Variants in MAP7D1 observed in about 807,000 individuals in gnomAD.
MAP7D1 encodes MAP7 domain-containing protein 1.
In MAP7D1, 30 loss-of-function variants were observed where a neutral mutation model predicts 97.5. That is an observed-to-expected ratio of 0.31 (90% CI 0.23 to 0.42). MAP7D1 has a LOEUF of 0.42. Ranked by LOEUF, MAP7D1 falls within the 10% of genes least tolerant of loss-of-function variation. The pLI is 1.00. For missense variants in MAP7D1, 1,184 were observed against 1,179.5 expected, an observed-to-expected ratio of 1.00 and a Z score of -0.06; for synonymous variants, 536 against 477.1, an observed-to-expected ratio of 1.12 and a Z score of -1.61.
At position 36,170,830 on chromosome 1, in the gene MAP7D1, C is replaced by G. The variant is rs552963220; in HGVS notation, c.47-141C>G. On this transcript the variant is annotated intron_variant, in intron 1 of 16. Coordinates refer to ENST00000474796, the MANE Select transcript of MAP7D1 (RefSeq NM_001388490.1). ...TTTCTCACCATTATATCATGAGTAT[C>G]TGGAACAGGGCCCGGCACATAGAAA... is the stretch of plus-strand genomic sequence containing the variant. 1.1e-4 allele frequency: 66 copies of G among 616,346 alleles called. 1 individual carries two copies. The South Asian group carries it at 1.4e-3, about 13-fold the overall frequency. 38.2% of individuals were successfully genotyped at this position (616,346 alleles called of 1,614,324 possible).
intron 16 of MAP7D1, 61 bp from the exon 17 acceptor site, chr1:36,180,187 C>T (rs1268873113): frequency 6.2e-7 from 1 of 1,613,206 alleles, no homozygotes; most frequent in African/African-American, 1.3e-5. Flanking sequence ...CCTGAAGACC[C>T]CCAGCTATCT....
chr1:36,166,451 G>A (rs187039929), intron 1 of MAP7D1, among the ~76,000 whole-genome samples: 2 of 149,346 alleles, frequency 1.3e-5, no homozygotes, highest in African/African-American at 2.5e-5. Flanking sequence ...GTGCAGTGGC[G>A]CTATCTTGGC....
intron 5 of MAP7D1, 83 bp downstream of exon 5, chr1:36,173,561 G>C (rs1644577903): frequency 1.9e-6 from 2 of 1,048,414 alleles, no homozygotes. Flanking sequence ...CCTACAAAAA[G>C]CTGGTGGCTC....
At chr1:36,169,570 AG>A (rs1644515712) in intron 1 of MAP7D1, among the ~76,000 whole-genome samples, 3 of 152,026 alleles carry the variant, frequency 2.0e-5, no homozygotes, top group Admixed American at 2.0e-4. Context: ...AAAAAAAAAA[AG>A]AAAAATGTTT....
chr1:36,178,356 G>T lies in MAP7D1; in HGVS notation c.1709-63G>T. The T allele has an allele frequency of 2.0e-6, 3 of 1,537,140 alleles. No homozygotes were observed. The African/African-American group carries it at 4.1e-5, about 21-fold the overall frequency. ...CAGTCCCAGGCCCAGAACACAGGCC[G>T]CTGGGAGATGACGGCGGTGTCTGCG... is the stretch of plus-strand genomic sequence containing the variant. On this transcript the variant is annotated intron_variant, in intron 9 of 16. Coordinates refer to ENST00000474796, the MANE Select transcript of MAP7D1 (RefSeq NM_001388490.1).
rs763077368 is a variant in MAP7D1, at chr1:36,178,054, G to A, written c.1561G>A (p.Ala521Thr). Residue 521 changes from alanine to threonine, a missense_variant, in exon 9 of 17, where the codon GCA (alanine) becomes ACA (threonine). Transcript: ENST00000474796. Reference sequence around the variant, plus strand: ...GGAGGCAAAGGAGAGCCCCAGCGCCGCAGGGCCCGAGGACAAGAGCCAGAG... The same window carrying A: ...GGAGGCAAAGGAGAGCCCCAGCGCCACAGGGCCCGAGGACAAGAGCCAGAG... ...KEEAKESPSA[A>T]GPEDKSQSKR... The A allele has an allele frequency of 3.1e-6, 5 of 1,611,958 alleles. No individual in the cohort carries two copies. The highest frequency in any genetic ancestry group is 2.7e-5 in the African/African-American group (2 of 74,884).
chr1:36,176,867 C>G lies in MAP7D1; in HGVS notation c.1379+25C>G. The G allele has an allele frequency of 1.3e-6, 2 of 1,547,954 alleles. No individual in the cohort carries two copies. The highest frequency in any genetic ancestry group is 8.8e-7 in the Non-Finnish European group (1 of 1,139,052). On this transcript the variant is annotated intron_variant, in intron 8 of 16. Transcript: ENST00000474796. The surrounding 1 kb of genome is among the most constrained non-coding windows in gnomAD (Gnocchi z 6.1). ...GGTGGGCGCGGGCGGTGCGAGGGAC[C>G]CTGCCCCTCACCGGGTCATTTATTC...
chr1:36,173,447 C>T lies in MAP7D1; in HGVS notation c.708C>T (p.Ala236=). ...AGCAGCGCTGGTCCTGGGCAGGGGC[C>T]CTGCACCACAGCTCTCCAGGACATA... ...IRQQRWSWAG[A]LHHSSPGHKT... The change falls in exon 5 of 17, where the codon GCC becomes GCT. Residue 236 remains alanine (A), a synonymous_variant. Coordinates refer to ENST00000474796, the MANE Select transcript of MAP7D1 (RefSeq NM_001388490.1). 6.2e-7 allele frequency: 1 copy of T among 1,613,796 alleles called. No individual in the cohort carries two copies. The highest frequency in any genetic ancestry group is 8.5e-7 in the Non-Finnish European group (1 of 1,179,886).
At position 36,171,077 on chromosome 1, in the gene MAP7D1, C is replaced by A; in HGVS notation, c.153C>A (p.Thr51=). The A allele has an allele frequency of 6.2e-7, 1 of 1,610,268 alleles. No homozygotes were observed. Among genetic ancestry groups the A allele is most frequent in the Non-Finnish European group, 8.5e-7 (1 of 1,176,806 alleles). ...SALVPDTPPD[T]PPAMKNATSS... ...TGGTCCCCGACACTCCCCCGGACAC[C>A]CCTCCTGCCATGAAGAATGCCACTA... is the stretch of plus-strand genomic sequence containing the variant. The change falls in exon 2 of 17, where the codon ACC becomes ACA. Residue 51 remains threonine (T), a synonymous_variant. Transcript: ENST00000474796.
Position 36,176,451 on chromosome 1 carries a change from G to GC in MAP7D1, c.1108dup (p.Leu370ProfsTer18). On this transcript the variant is annotated frameshift_variant, in exon 7 of 17. Coordinates refer to ENST00000474796, the MANE Select transcript of MAP7D1 (RefSeq NM_001388490.1). LOFTEE classifies it high-confidence loss of function. The surrounding 1 kb of genome is among the most constrained non-coding windows in gnomAD (Gnocchi z 6.1). ...GTGTGCCCGCGCTCGGCCTCCGCCAGCCCCCTGACGCCGTGCAGCGTCACC... is the reference window on the plus strand; with the variant it reads ...GTGTGCCCGCGCTCGGCCTCCGCCAGCCCCCCTGACGCCGTGCAGCGTCACC... 6.6e-7 allele frequency: 1 copy of GC among 1,507,442 alleles called. No homozygotes were observed. Among genetic ancestry groups the GC allele is most frequent in the East Asian group, 2.7e-5 (1 of 36,378 alleles). 93.4% of individuals were successfully genotyped at this position (1,507,442 alleles called of 1,614,324 possible).
chr1:36,163,719 A>G (rs1339152818), intron 1 of MAP7D1, among the ~76,000 whole-genome samples: 1 of 152,044 alleles, frequency 6.6e-6, no homozygotes, highest in Non-Finnish European at 1.5e-5. Flanking sequence ...GGCTTAGTCC[A>G]GGAAGCTGCC....
At chr1:36,169,252 GAAA>G (rs35202518) in intron 1 of MAP7D1, among the ~76,000 whole-genome samples, 1 of 112,358 alleles carries the variant, frequency 8.9e-6, no homozygotes. Context: ...GCTCTGTCTT[GAAA>G]AAAAAAAAAA....
In MAP7D1 at chr1:36,176,677, C is replaced by T. The variant is rs745715517; in HGVS notation, c.1234-20C>T. 6 of 1,605,170 alleles carry T rather than the reference C, an allele frequency of 3.7e-6. No individual in the cohort carries two copies. The highest frequency in any genetic ancestry group is 2.7e-5 in the African/African-American group (2 of 73,896). ...GCTGCTGACCTCTACTCTCCTCTTC[C>T]GTTCCTCCTTCCCTGCCAGGTGCAG... On this transcript the variant is annotated intron_variant, in intron 7 of 16. Transcript: ENST00000474796. This position sits in a 1 kb window ranked among gnomAD's most constrained non-coding sequence, Gnocchi z 6.1.
chr1:36,176,182 T>TG lies in MAP7D1; in HGVS notation c.851-15dup. On this transcript the variant is annotated splice_polypyrimidine_tract_variant and intron_variant, in intron 6 of 16. Coordinates refer to ENST00000474796, the MANE Select transcript of MAP7D1 (RefSeq NM_001388490.1). The surrounding 1 kb of genome is among the most constrained non-coding windows in gnomAD (Gnocchi z 6.1). The stretch of plus-strand genomic sequence containing the variant: ...GGCCCCCACGGTGACCGGCTTCGCC[T>TG]GGCCTTCTACCCCCAGATCGCAGCC... 6.2e-7 allele frequency: 1 copy of TG among 1,603,906 alleles called. No individual in the cohort carries two copies. Among genetic ancestry groups the TG allele is most frequent in the South Asian group, 1.1e-5 (1 of 90,866 alleles).
intron 3 of MAP7D1, chr1:36,171,950 A>AC: frequency 4.5e-6 from 1 of 220,914 alleles, no homozygotes; most frequent in South Asian, 6.3e-5. Context: ...AAAAAAAAAA[A>AC]AAAAAAAACC....
At chr1:36,172,372 G>C (rs913601188) in intron 3 of MAP7D1, 92 bp from the exon 4 acceptor site, 9 of 1,292,884 alleles carry the variant, frequency 7.0e-6, no homozygotes, top group Non-Finnish European at 9.1e-6. Flanking sequence ...CCCAGGGCAT[G>C]GGTAGCAGGG....
rs749230878 is a variant in MAP7D1 at position 36,159,810 on chromosome 1, C to T, written c.46+3347C>T. ...AGGTGGATCTGAAAGGATGAGTAGA[C>T]GTTGGTGAGACTGGCGCAGTGGGCT... On this transcript the variant is annotated intron_variant, in intron 1 of 16. Coordinates refer to ENST00000474796, the MANE Select transcript of MAP7D1 (RefSeq NM_001388490.1). This position sits in a 1 kb window ranked among gnomAD's most constrained non-coding sequence, Gnocchi z 5.4. Among the ~76,000 whole-genome samples, 6 of 152,174 alleles carry T rather than the reference C, an allele frequency of 3.9e-5. No individual in the cohort carries two copies. Among genetic ancestry groups the T allele is most frequent in the Non-Finnish European group, 5.9e-5 (4 of 68,030 alleles).
At chr1:36,162,153 G>C (rs1644421706) in intron 1 of MAP7D1, among the ~76,000 whole-genome samples, 1 of 152,034 alleles carries the variant, frequency 6.6e-6, no homozygotes, top group African/African-American at 2.4e-5. Flanking sequence ...CCTCTCCCAT[G>C]CTTCCTGCCT....
rs1209042566 is a variant in MAP7D1, at chr1:36,159,998, C to A, written c.46+3535C>A. ...AGGGATACTAGGCCAGCTCAGGTCC[C>A]CTTTCCTAACATGATAGTGGGGAAG... On this transcript the variant is annotated intron_variant, in intron 1 of 16. Coordinates refer to ENST00000474796, the MANE Select transcript of MAP7D1 (RefSeq NM_001388490.1). This position sits in a 1 kb window ranked among gnomAD's most constrained non-coding sequence, Gnocchi z 5.4. Among the ~76,000 whole-genome samples the A allele has an allele frequency of 6.6e-6, 1 of 152,232 alleles. No individual in the cohort carries two copies.
Sources: allele counts gnomAD v4.1 joint callset (sites outside exome capture counted in the v4.1 genomes callset), GRCh38; gene constraint gnomAD v4.1.1; non-coding constraint Gnocchi (gnomAD v3.1); transcripts MANE v1.5; gene names NCBI Gene and HGNC (gene_info 2026-07-23, HGNC 2026-07-21).